The following PI4K2B variants were observed in gnomAD, a reference collection of about 807,000 sequenced individuals.
PI4K2B encodes phosphatidylinositol 4-kinase type 2-beta.
In PI4K2B, 46 loss-of-function variants were observed where a neutral mutation model predicts 56.6. The ratio of observed to expected loss-of-function variants is 0.81; its 90% CI spans 0.64 to 1.04. The LOEUF (loss-of-function observed/expected upper bound fraction) is 1.04, where lower values mean the gene tolerates loss of function less well. Among genes scored for constraint, PI4K2B ranks in the 50% least tolerant of loss-of-function variants. The pLI, the probability that PI4K2B is intolerant of heterozygous loss-of-function variation, is 0.00. For synonymous variants in PI4K2B, 211 were observed against 223.8 expected (o/e 0.94, Z 0.51); for missense variants, 556 against 607.7 (o/e 0.91, Z 0.89).
At chr4:25,245,680 G>A (rs1052862502) in intron 1 of PI4K2B, among the ~76,000 whole-genome samples, 7 of 152,116 alleles carry the variant, frequency 4.6e-5, no homozygotes, top group East Asian at 1.9e-4. Context: ...TTTAGCCCCC[G>A]TTCTAAGGAA....
rs1436620782 is a variant in PI4K2B at position 25,252,603 on chromosome 4, A to G, written c.423+128A>G. 6 of 762,810 alleles carry G rather than the reference A, an allele frequency of 7.9e-6. No homozygotes were observed. In the East Asian group the frequency reaches 1.5e-4, roughly 20 times the overall value. The allele number at this position is 762,810 out of a possible 1,614,324, so 47.3% of individuals were successfully genotyped here. A position where few individuals can be genotyped will look rare whatever the true frequency, so the allele number is the denominator to read the frequency against. The stretch of plus-strand genomic sequence containing the variant: ...TGATTGTAACCTCTTTTCCAAAACA[A>G]AGGTCAGTTTTTGTTTGTTTTTTGA... On this transcript the variant is annotated intron_variant, in intron 2 of 9. Transcript: ENST00000264864.
At chr4:25,259,673 C>T (rs1716386892) in intron 5 of PI4K2B, among the ~76,000 whole-genome samples, 1 of 151,292 alleles carries the variant, frequency 6.6e-6, no homozygotes, top group Admixed American at 6.6e-5. Flanking sequence ...CACATAAAAA[C>T]AGTAACACTA....
At chr4:25,235,053 G>C (rs1715195267) in intron 1 of PI4K2B, among the ~76,000 whole-genome samples, 1 of 152,220 alleles carries the variant, frequency 6.6e-6, no homozygotes, top group African/African-American at 2.4e-5. Flanking sequence ...TAAGCGGACT[G>C]ATAACCTCAG....
intron 1 of PI4K2B, among the ~76,000 whole-genome samples, chr4:25,247,491 T>C (rs1340473639): frequency 6.6e-6 from 1 of 152,224 alleles, no homozygotes; most frequent in Admixed American, 6.5e-5. Flanking sequence ...TACAGCTTTA[T>C]AGCCTAATGG....
Position 25,278,852 on chromosome 4 carries a change from GCTA to G in PI4K2B, c.*1668_*1670del, listed in dbSNP as rs1717201195. ...TTTATAATGGAAAACTTAATAAATTGCTACTGTTTTATATCATAAAATTAAAAT... is the reference window on the plus strand; with the variant it reads ...TTTATAATGGAAAACTTAATAAATTGCTGTTTTATATCATAAAATTAAAAT... On this transcript the variant is annotated 3_prime_UTR_variant, in exon 10 of 10. Transcript: ENST00000264864. 1 of 152,508 alleles carries G rather than the reference GCTA, an allele frequency of 6.6e-6. No homozygotes were observed. The highest frequency in any genetic ancestry group is 6.6e-5 in the Admixed American group (1 of 15,258). The allele number at this position is 152,508 out of a possible 1,614,324, so 9.4% of individuals were successfully genotyped here. A position where few individuals can be genotyped will look rare whatever the true frequency, so the allele number is the denominator to read the frequency against.
In PI4K2B at chr4:25,252,363, C is replaced by T; in HGVS notation, c.311C>T (p.Pro104Leu). ...GAGATGAATGCATTCTTGGATGACC[C>T]AGAATTTGCCGATATTATGCTGAGA... ...TSEMNAFLDD[P>L]EFADIMLRAE... The change falls in exon 2 of 10, where the codon CCA becomes CTA. Residue 104 changes from proline to leucine, a missense_variant. Transcript: ENST00000264864. 2.5e-6 allele frequency: 4 copies of T among 1,608,220 alleles called. No homozygotes were observed. The highest frequency in any genetic ancestry group is 3.4e-6 in the Non-Finnish European group (4 of 1,174,738).
At chr4:25,255,673 G>A (rs997228192) in intron 3 of PI4K2B, among the ~76,000 whole-genome samples, 1 of 152,168 alleles carries the variant, frequency 6.6e-6, no homozygotes, top group Admixed American at 6.5e-5. Context: ...GTGTTGCCCA[G>A]ACTGGCCTTA....
chr4:25,243,307 C>A (rs183170687), intron 1 of PI4K2B, among the ~76,000 whole-genome samples: 12,310 of 152,236 alleles, frequency 0.081, 709 homozygotes, highest in South Asian at 0.18. Context: ...GTGATTGCTT[C>A]GGCATAGTGG....
In PI4K2B at chr4:25,277,229, T is replaced by C. The variant is rs372355734; in HGVS notation, c.*42T>C. 7 of 1,539,674 alleles carry C rather than the reference T, an allele frequency of 4.5e-6. No individual in the cohort carries two copies. Among genetic ancestry groups the C allele is most frequent in the Non-Finnish European group, 6.2e-6 (7 of 1,132,228 alleles). ...AGAAACAAACTGTTTAGAATTATCA[T>C]GTTTTTAAAACATCATAGTAATATA... On this transcript the variant is annotated 3_prime_UTR_variant, in exon 10 of 10. Transcript: ENST00000264864.
intron 1 of PI4K2B, among the ~76,000 whole-genome samples, chr4:25,239,856 A>G (rs182791490): frequency 3.3e-5 from 5 of 152,334 alleles, no homozygotes; most frequent in African/African-American, 1.2e-4. Context: ...TGACTGCTCT[A>G]GCTACTTCCT....
At position 25,268,357 on chromosome 4, in the gene PI4K2B, A is replaced by G. The variant is rs1232594639; in HGVS notation, c.1079-86A>G. The G allele has an allele frequency of 4.6e-6, 5 of 1,084,166 alleles. No homozygotes were observed. In the East Asian group the frequency reaches 9.6e-5, roughly 21 times the overall value. The allele number at this position is 1,084,166 out of a possible 1,614,324, so 67.2% of individuals were successfully genotyped here. On this transcript the variant is annotated intron_variant, in intron 7 of 9. Transcript: ENST00000264864. ...TCCTGTCCTTTTTTGGGGAGAACCT[A>G]GGAGTTGTAGGAAAGAACCGGGAAA...
chr4:25,242,179 C>G (rs1715553594), intron 1 of PI4K2B, among the ~76,000 whole-genome samples: 1 of 152,220 alleles, frequency 6.6e-6, no homozygotes, highest in Non-Finnish European at 1.5e-5. Flanking sequence ...GGCCTTCGAC[C>G]TAGACACCTT....
chr4:25,238,119 A>G (rs1215997634), intron 1 of PI4K2B, among the ~76,000 whole-genome samples: 3 of 152,218 alleles, frequency 2.0e-5, no homozygotes, highest in Non-Finnish European at 4.4e-5. Context: ...AGGAAGAAAG[A>G]TGAGAAGATG....
chr4:25,278,978 G>A lies in PI4K2B; in HGVS notation c.*1791G>A, dbSNP rs1028370070. Reference sequence around the variant, plus strand: ...AGTCAGAGTACATTGGTTGTATTTTGTAAACTTTCATGAACTGAATTCTTA... The same window carrying A: ...AGTCAGAGTACATTGGTTGTATTTTATAAACTTTCATGAACTGAATTCTTA... On this transcript the variant is annotated 3_prime_UTR_variant, in exon 10 of 10. Transcript: ENST00000264864. 5 of 152,406 alleles carry A rather than the reference G, an allele frequency of 3.3e-5. No homozygotes were observed. The highest frequency in any genetic ancestry group is 1.2e-4 in the African/African-American group (5 of 41,398). 9.4% of individuals were successfully genotyped at this position (152,406 alleles called of 1,614,324 possible). A position where few individuals can be genotyped will look rare whatever the true frequency, so the allele number is the denominator to read the frequency against.
rs570939709 is a variant in PI4K2B at position 25,265,785 on chromosome 4, A to G, written c.1078+1936A>G. Among the ~76,000 whole-genome samples, 16 of 152,320 alleles carry G rather than the reference A, an allele frequency of 1.1e-4. No homozygotes were observed. In the South Asian group the frequency reaches 3.3e-3, roughly 32 times the overall value. On this transcript the variant is annotated intron_variant, in intron 7 of 9. Transcript: ENST00000264864. ...GTTAGTAATTTCTGTATGATCCTATATATGGCCTATTTAGAGGATAGTATT... is the reference window on the plus strand; with the variant it reads ...GTTAGTAATTTCTGTATGATCCTATGTATGGCCTATTTAGAGGATAGTATT...
chr4:25,237,653 G>A (rs1715323114), intron 1 of PI4K2B, among the ~76,000 whole-genome samples: 1 of 152,210 alleles, frequency 6.6e-6, no homozygotes, highest in African/African-American at 2.4e-5. Context: ...AGGCCACCAT[G>A]CCTGGCCTTG....
chr4:25,252,837 A>G (rs1716116049), intron 2 of PI4K2B, among the ~76,000 whole-genome samples: 1 of 150,914 alleles, frequency 6.6e-6, no homozygotes, highest in Non-Finnish European at 1.5e-5. Context: ...CTGGTCTTGA[A>G]CTCCTGGGCT....
At chr4:25,249,026 G>A (rs1469132965) in intron 1 of PI4K2B, among the ~76,000 whole-genome samples, 1 of 152,110 alleles carries the variant, frequency 6.6e-6, no homozygotes, top group African/African-American at 2.4e-5. Context: ...TAACGAGTAT[G>A]CTGCCTTCAA....
At chr4:25,247,379 T>A (rs1715833507) in intron 1 of PI4K2B, among the ~76,000 whole-genome samples, 1 of 133,876 alleles carries the variant, frequency 7.5e-6, no homozygotes. Flanking sequence ...GCATCATTCA[T>A]CAAATATTTT....
Sources: gnomAD v4.1 joint callset for allele counts (sites outside exome capture counted in the v4.1 genomes callset) on GRCh38, gnomAD v4.1.1 for gene constraint, MANE v1.5 for transcripts, NCBI Gene and HGNC (gene_info 2026-07-23, HGNC 2026-07-21) for gene names.